The following MAST4 variants were observed in gnomAD, a reference collection of about 807,000 sequenced individuals.
The protein encoded by MAST4 is microtubule associated serine/threonine kinase family member 4.
Under a neutral mutation model 162.7 loss-of-function variants are expected in MAST4, and 89 were observed. That is an observed-to-expected ratio of 0.55 (90% CI 0.46 to 0.65). The LOEUF (loss-of-function observed/expected upper bound fraction) is 0.65. MAST4 is among the 30% of genes least tolerant of loss of function. The probability of loss-of-function intolerance (pLI) is 0.00; values close to 1 mark genes in which losing one functional copy is unlikely to be tolerated. For synonymous variants in MAST4, 1,479 were observed against 1,361.1 expected (o/e 1.09, Z -1.91); for missense variants, 3,153 against 3,374.0 (o/e 0.93, Z 1.62).
chr5:66,996,051 G>A (rs1258634466), intron 4 of MAST4, among the ~76,000 whole-genome samples: 2 of 152,170 alleles, frequency 1.3e-5, no homozygotes, highest in African/African-American at 4.8e-5. Context: ...GCTGCGGTGG[G>A]TGGATTGCCT....
At chr5:66,913,135 G>T (rs911307998) in intron 4 of MAST4, among the ~76,000 whole-genome samples, 6 of 152,050 alleles carry the variant, frequency 3.9e-5, no homozygotes, top group African/African-American at 7.2e-5. Context: ...GACATAATTG[G>T]CATACAATAA....
intron 4 of MAST4, among the ~76,000 whole-genome samples, chr5:66,983,956 G>A (rs1049100259): frequency 6.6e-6 from 1 of 152,170 alleles, no homozygotes. Context: ...ACACAGAGGA[G>A]GCACTGTATT....
At chr5:67,157,737 C>T (rs1187800697) in intron 26 of MAST4, among the ~76,000 whole-genome samples, 1 of 152,160 alleles carries the variant, frequency 6.6e-6, no homozygotes, top group African/African-American at 2.4e-5. Flanking sequence ...ACTGGACTCT[C>T]AGTGACCTCG....
chr5:67,136,444 A>G, intron 18 of MAST4, 119 bp from the exon 19 acceptor site: 1 of 651,902 alleles, frequency 1.5e-6, no homozygotes, highest in Non-Finnish European at 2.8e-6. Flanking sequence ...CTGATTTAGT[A>G]GGTCCGGAGT....
intron 3 of MAST4, among the ~76,000 whole-genome samples, chr5:66,844,313 A>AT (rs1228920537): frequency 4.6e-5 from 7 of 152,006 alleles, no homozygotes; most frequent in African/African-American, 1.7e-4. Context: ...GCAGGCACAC[A>AT]TTTATGTTCT....
intron 3 of MAST4, among the ~76,000 whole-genome samples, chr5:66,825,563 GT>G (rs144283292): frequency 0.25 from 37,985 of 152,090 alleles, 5,767 homozygotes; most frequent in Non-Finnish European, 0.35. Flanking sequence ...TTTGAAATGT[GT>G]TCAACCAAAC....
At chr5:66,687,292 C>T (rs1172870107) in intron 1 of MAST4, among the ~76,000 whole-genome samples, 4 of 151,966 alleles carry the variant, frequency 2.6e-5, no homozygotes, top group Non-Finnish European at 4.4e-5. Context: ...CTATGCATAC[C>T]GATTGTTTAG....
chr5:66,896,340 C>T (rs1255866109), intron 3 of MAST4, among the ~76,000 whole-genome samples: 1 of 152,168 alleles, frequency 6.6e-6, no homozygotes, highest in African/African-American at 2.4e-5. Flanking sequence ...ATGACGTTAG[C>T]GTGACTTACC....
chr5:66,742,140 A>G lies in MAST4; in HGVS notation c.364-17569A>G, dbSNP rs529752923. On this transcript the variant is annotated intron_variant, in intron 1 of 28. Coordinates refer to ENST00000403625, the MANE Select transcript of MAST4 (RefSeq NM_001164664.2). ...GCCTTCATTGCAGAGCTGGTCTACC[A>G]GTGAGGTGCAGGCAGGAATGGGAAA... is the stretch of plus-strand genomic sequence containing the variant. Among the ~76,000 whole-genome samples, 7 of 152,246 alleles carry G rather than the reference A, an allele frequency of 4.6e-5. No individual in the cohort carries two copies. In the South Asian group the frequency reaches 1.5e-3, roughly 32 times the overall value.
intron 1 of MAST4, among the ~76,000 whole-genome samples, chr5:66,743,821 A>G (rs2149577970): frequency 6.6e-6 from 1 of 152,230 alleles, no homozygotes; most frequent in Admixed American, 6.5e-5. Flanking sequence ...TATACTTATA[A>G]TTATTTATTA....
chr5:67,000,818 C>A (rs1385348474), intron 4 of MAST4, among the ~76,000 whole-genome samples: 2 of 151,604 alleles, frequency 1.3e-5, no homozygotes, highest in Admixed American at 1.3e-4. Context: ...GTAAAAAGGA[C>A]CTGGCATTTT....
intron 3 of MAST4, among the ~76,000 whole-genome samples, chr5:66,807,338 T>C (rs1204319261): frequency 6.6e-6 from 1 of 151,670 alleles, no homozygotes; most frequent in Non-Finnish European, 1.5e-5. Context: ...CTACTAAAAA[T>C]ACAAAAAATT....
At chr5:67,107,532 C>T (rs1561661362) in intron 10 of MAST4, among the ~76,000 whole-genome samples, 1 of 152,156 alleles carries the variant, frequency 6.6e-6, no homozygotes, top group African/African-American at 2.4e-5. Flanking sequence ...CAGTATTTTT[C>T]CAGAACTTGG....
chr5:66,680,813 T>G (rs917962081), intron 1 of MAST4, among the ~76,000 whole-genome samples: 3 of 152,190 alleles, frequency 2.0e-5, no homozygotes, highest in African/African-American at 7.2e-5. Context: ...ATAAAAGTTC[T>G]TTTTATGGGC....
chr5:66,637,497 T>C (rs556596776), intron 1 of MAST4, among the ~76,000 whole-genome samples: 1 of 152,282 alleles, frequency 6.6e-6, no homozygotes, highest in Non-Finnish European at 1.5e-5. Context: ...CCTTGGACAT[T>C]TTTCTATTAG....
intron 1 of MAST4, among the ~76,000 whole-genome samples, chr5:66,664,028 G>A (rs1024590662): frequency 5.9e-5 from 9 of 152,162 alleles, no homozygotes; most frequent in Non-Finnish European, 1.5e-5. Flanking sequence ...ATTCGCTGAT[G>A]GACTGGATGT....
At chr5:66,893,203 T>G (rs1347240957) in intron 3 of MAST4, among the ~76,000 whole-genome samples, 2 of 152,170 alleles carry the variant, frequency 1.3e-5, no homozygotes, top group African/African-American at 4.8e-5. Context: ...TGTTTTGTTT[T>G]GTTTTTGATG....
At chr5:66,749,187 G>T (rs1752977230) in intron 1 of MAST4, among the ~76,000 whole-genome samples, 2 of 152,060 alleles carry the variant, frequency 1.3e-5, no homozygotes, top group Admixed American at 1.3e-4. Flanking sequence ...GAGTGTGTCT[G>T]TGTGCCAGCT....
intron 5 of MAST4, among the ~76,000 whole-genome samples, chr5:67,062,139 C>T (rs1417733604): frequency 1.3e-5 from 2 of 152,122 alleles, no homozygotes; most frequent in African/African-American, 4.8e-5. Flanking sequence ...CGGTGGCTCA[C>T]GCCTGTAATC....
Sources: gnomAD v4.1 joint callset for allele counts (sites outside exome capture counted in the v4.1 genomes callset) on GRCh38, gnomAD v4.1.1 for gene constraint, MANE v1.5 for transcripts, NCBI Gene and HGNC (gene_info 2026-07-23, HGNC 2026-07-21) for gene names.